SLC9A2: variants seen among roughly 807,000 people sequenced by gnomAD.
SLC9A2 encodes the protein solute carrier family 9 member A2, also known as sodium/hydrogen exchanger 2.
A neutral mutation model predicts 71.7 loss-of-function variants in SLC9A2; 42 were observed. The ratio of observed to expected loss-of-function variants is 0.59; its 90% confidence interval spans 0.46 to 0.76. The LOEUF (loss-of-function observed/expected upper bound fraction) is 0.76, where lower values mean the gene tolerates loss of function less well. SLC9A2 is among the 30% of genes least tolerant of loss of function. The probability of loss-of-function intolerance (pLI) is 0.00; values close to 1 mark genes in which losing one functional copy is unlikely to be tolerated. For synonymous variants in SLC9A2, 396 were observed against 392.5 expected (o/e 1.01, Z -0.10); for missense variants, 829 against 1,017.4 (o/e 0.81, Z 2.52).
Position 102,665,167 on chromosome 2 carries a change from G to C in SLC9A2, c.821G>C (p.Gly274Ala). 2 of 1,614,088 alleles carry C rather than the reference G, an allele frequency of 1.2e-6. No homozygotes were observed. The highest frequency in any genetic ancestry group is 1.7e-6 in the Non-Finnish European group (2 of 1,180,012). Reference sequence around the variant, plus strand: ...ATTGAGACCATTGATGTGTTTGCAGGAATCGCCAACTTCTTTGTTGTGGGA... The same window carrying C: ...ATTGAGACCATTGATGTGTTTGCAGCAATCGCCAACTTCTTTGTTGTGGGA... ...KTIETIDVFA[G>A]IANFFVVGIG... Residue 274 changes from glycine to alanine, a missense_variant, in exon 3 of 12, where the codon GGA (glycine) becomes GCA (alanine). By Grantham distance (60) the Gly-to-Ala change is moderately conservative. This residue lies in a region of SLC9A2 where 500 missense variants were observed against 726.3 expected (regional missense o/e 0.69). Transcript: ENST00000233969.
chr2:102,675,061 G>A (rs765521146), intron 3 of SLC9A2, among the ~76,000 whole-genome samples: 9 of 152,328 alleles, frequency 5.9e-5, no homozygotes, highest in Non-Finnish European at 1.2e-4. Flanking sequence ...GACCCGCCCT[G>A]TGACATGAGA....
chr2:102,672,864 C>T (rs1677281664), intron 3 of SLC9A2, among the ~76,000 whole-genome samples: 1 of 152,016 alleles, frequency 6.6e-6, no homozygotes, highest in South Asian at 2.1e-4. Context: ...ATTTTCTTGC[C>T]TCATCTTCTT....
At position 102,703,054 on chromosome 2, in the gene SLC9A2, A is replaced by G. The variant is rs1011494384; in HGVS notation, c.1845+552A>G. On this transcript the variant is annotated intron_variant, in intron 9 of 11. Transcript: ENST00000233969. ...TGTTACTGTTGTCGCCATTTCACAG[A>G]TAAAGAAATTGAGGCACAGGGAGGT... Among the ~76,000 whole-genome samples, 3 of 152,276 alleles carry G rather than the reference A, an allele frequency of 2.0e-5. No homozygotes were observed. The East Asian group carries it at 5.8e-4, about 29-fold the overall frequency.
At chr2:102,659,383 A>G (rs528689443) in intron 2 of SLC9A2, among the ~76,000 whole-genome samples, 1 of 152,012 alleles carries the variant, frequency 6.6e-6, no homozygotes, top group Non-Finnish European at 1.5e-5. Flanking sequence ...GGAGGTTGCA[A>G]TGAGCCAAGA....
Position 102,665,092 on chromosome 2 carries a change from T to C in SLC9A2, c.754-8T>C, listed in dbSNP as rs1276931992. On this transcript the variant is annotated splice_polypyrimidine_tract_variant and splice_region_variant and intron_variant, in intron 2 of 11. Transcript: ENST00000233969. Reference sequence around the variant, plus strand: ...GGTCTTGACAAGGTGTTTTTTTTTTTCCTGCAGGTCCTGTACAACTTGTTC... The same window carrying C: ...GGTCTTGACAAGGTGTTTTTTTTTTCCCTGCAGGTCCTGTACAACTTGTTC... 1 of 1,599,762 alleles carries C rather than the reference T, an allele frequency of 6.3e-7. No homozygotes were observed. Among genetic ancestry groups the C allele is most frequent in the Admixed American group, 1.8e-5 (1 of 56,796 alleles).
At chr2:102,707,680 C>T (rs1410133257) in intron 11 of SLC9A2, among the ~76,000 whole-genome samples, 1 of 152,204 alleles carries the variant, frequency 6.6e-6, no homozygotes. Context: ...AGACTGCCTA[C>T]TGTGTGCCAG....
At chr2:102,686,254 G>C (rs1395469913) in intron 5 of SLC9A2, among the ~76,000 whole-genome samples, 1 of 152,112 alleles carries the variant, frequency 6.6e-6, no homozygotes, top group East Asian at 1.9e-4. Context: ...TGAAACTGAG[G>C]CTAAGTAAGT....
chr2:102,666,848 A>G (rs1677150912), intron 3 of SLC9A2, among the ~76,000 whole-genome samples: 1 of 152,162 alleles, frequency 6.6e-6, no homozygotes, highest in Non-Finnish European at 1.5e-5. Flanking sequence ...TTACAGCTCC[A>G]TATGCACTAG....
chr2:102,662,156 G>A (rs1283681042), intron 2 of SLC9A2, among the ~76,000 whole-genome samples: 1 of 152,248 alleles, frequency 6.6e-6, no homozygotes, highest in African/African-American at 2.4e-5. Flanking sequence ...TTGGCTCAAT[G>A]TGCTGAGAGT....
chr2:102,695,792 T>TATATATATATA (rs1553429174), intron 7 of SLC9A2, among the ~76,000 whole-genome samples: 3 of 39,874 alleles, frequency 7.5e-5, no homozygotes, highest in African/African-American at 2.5e-4. Context: ...ATATATATTA[T>TATATATATATA]ATATATATTA....
intron 2 of SLC9A2, among the ~76,000 whole-genome samples, chr2:102,664,008 GCT>G (rs1677091234): frequency 6.6e-6 from 1 of 152,298 alleles, no homozygotes; most frequent in East Asian, 1.9e-4. Flanking sequence ...GGGCGTGGTG[GCT>G]CATGCCTGTA....
At chr2:102,638,502 G>C (rs1431781194) in intron 1 of SLC9A2, among the ~76,000 whole-genome samples, 1 of 152,200 alleles carries the variant, frequency 6.6e-6, no homozygotes, top group African/African-American at 2.4e-5. Flanking sequence ...GCTGAGCTGG[G>C]ATTGCACTCA....
At chr2:102,690,595 A>G (rs549206631) in intron 5 of SLC9A2, among the ~76,000 whole-genome samples, 5 of 152,268 alleles carry the variant, frequency 3.3e-5, no homozygotes, top group African/African-American at 1.2e-4. Flanking sequence ...TAGGGGAGAG[A>G]CGGACAGACA....
intron 1 of SLC9A2, among the ~76,000 whole-genome samples, chr2:102,656,594 C>T (rs1413905003): frequency 2.0e-5 from 3 of 152,148 alleles, no homozygotes; most frequent in African/African-American, 4.8e-5. Flanking sequence ...GGCATCCTGA[C>T]GAATTGATTG....
intron 5 of SLC9A2, chr2:102,686,678 G>T (rs1043446342): frequency 1.3e-5 from 2 of 152,256 alleles, no homozygotes; most frequent in Non-Finnish European, 2.9e-5. Context: ...GACTTTATGT[G>T]AGAAGTGAGC....
intron 1 of SLC9A2, among the ~76,000 whole-genome samples, chr2:102,624,179 TA>T (rs1453522623): frequency 6.6e-5 from 10 of 152,188 alleles, no homozygotes; most frequent in Non-Finnish European, 1.5e-5. Context: ...TAGGTCAAAA[TA>T]TTTTTTTAAA....
chr2:102,665,431 A>G (rs1401281823), intron 3 of SLC9A2, 81 bp downstream of exon 3: 3 of 1,372,520 alleles, frequency 2.2e-6, no homozygotes, highest in African/African-American at 1.5e-5. Context: ...TTAAAGTTGA[A>G]TAAGTTATAT....
intron 1 of SLC9A2, among the ~76,000 whole-genome samples, chr2:102,633,315 AC>A (rs1306795589): frequency 6.6e-6 from 1 of 152,084 alleles, no homozygotes; most frequent in African/African-American, 2.4e-5. Context: ...GTTCTTCATC[AC>A]TTGGATGTGT....
At chr2:102,662,399 AAAG>A (rs963854782) in intron 2 of SLC9A2, among the ~76,000 whole-genome samples, 33 of 152,248 alleles carry the variant, frequency 2.2e-4, no homozygotes, top group African/African-American at 6.0e-4. Flanking sequence ...AGAGGGAGGA[AAAG>A]AAGAAGGAGA....
Sources: allele counts gnomAD v4.1 joint callset (sites outside exome capture counted in the v4.1 genomes callset), GRCh38; gene constraint gnomAD v4.1.1; regional missense constraint gnomAD v4.1.1; transcripts MANE v1.5; gene names NCBI Gene and HGNC (gene_info 2026-07-23, HGNC 2026-07-21).